The following SEMA3A variants were observed in gnomAD, a reference collection of about 807,000 sequenced individuals.
SEMA3A encodes semaphorin-3A.
A neutral mutation model predicts 97.9 loss-of-function variants in SEMA3A; 29 were observed. The observed-to-expected ratio is 0.30, with a 90% CI of 0.22 to 0.40. The LOEUF (loss-of-function observed/expected upper bound fraction) is 0.40, where lower values mean the gene tolerates loss of function less well. Among genes scored for constraint, SEMA3A ranks in the 10% least tolerant of loss-of-function variants. The probability of loss-of-function intolerance (pLI) is 1.00; values close to 1 mark genes in which losing one functional copy is unlikely to be tolerated. For missense variants in SEMA3A, 763 were observed against 951.3 expected (o/e 0.80, Z 2.60); for synonymous variants, 321 against 323.7 (o/e 0.99, Z 0.09).
upstream of SEMA3A, chr7:84,195,026 G>GAGAGAGAGAGAGAGAGAA (rs1798181931): frequency 3.3e-5 from 1 of 30,550 alleles, no homozygotes; most frequent in Non-Finnish European, 8.8e-5. Context: ...GAGAGAGAAA[G>GAGAGAGAGAGAGAGAGAA]AGAGAGAGAG....
intron 3 of SEMA3A, among the ~76,000 whole-genome samples, chr7:84,114,111 G>A (rs1795353250): frequency 6.6e-6 from 1 of 152,076 alleles, no homozygotes; most frequent in African/African-American, 2.4e-5. Flanking sequence ...CAAAAATAAA[G>A]TCCATCCATC....
intron 3 of SEMA3A, among the ~76,000 whole-genome samples, chr7:84,215,408 G>T (rs1798726721): frequency 8.0e-6 from 1 of 125,512 alleles, no homozygotes; most frequent in East Asian, 2.6e-4. Context: ...GGCTGGTCTT[G>T]AACTCCTGAC....
intron 10 of SEMA3A, among the ~76,000 whole-genome samples, chr7:84,007,086 A>G (rs1790696634): frequency 6.6e-6 from 1 of 152,172 alleles, no homozygotes; most frequent in Admixed American, 6.5e-5. Context: ...AAAAATTTAG[A>G]AATGTGTGGT....
chr7:84,131,433 A>C (rs1795958664), intron 2 of SEMA3A, among the ~76,000 whole-genome samples: 1 of 152,134 alleles, frequency 6.6e-6, no homozygotes, highest in South Asian at 2.1e-4. Flanking sequence ...ATGCCTCTAC[A>C]CTTCCACTCA....
At chr7:84,018,496 A>G (rs2116432476) in intron 6 of SEMA3A, among the ~76,000 whole-genome samples, 1 of 152,338 alleles carries the variant, frequency 6.6e-6, no homozygotes, top group Non-Finnish European at 1.5e-5. Flanking sequence ...ATTAAACTGA[A>G]CAACTGTTAA....
intron 6 of SEMA3A, among the ~76,000 whole-genome samples, chr7:84,040,314 T>C (rs1001354198): frequency 2.0e-5 from 3 of 151,708 alleles, no homozygotes; most frequent in African/African-American, 7.2e-5. Flanking sequence ...GTAAAATCCT[T>C]TAATTCCCCA....
At chr7:84,483,376 A>G (rs906074111) in intron 1 of SEMA3A, among the ~76,000 whole-genome samples, 19 of 152,230 alleles carry the variant, frequency 1.2e-4, no homozygotes, top group Non-Finnish European at 4.4e-5. Context: ...ACCTGATAGT[A>G]ACCCTAATGT....
intron 2 of SEMA3A, among the ~76,000 whole-genome samples, chr7:84,360,647 C>T (rs182049512): frequency 5.9e-5 from 9 of 152,124 alleles, no homozygotes; most frequent in South Asian, 2.1e-4. Context: ...CATGTCAAGA[C>T]GAGTGTAGTA....
chr7:84,336,627 G>A (rs966961349), intron 2 of SEMA3A, among the ~76,000 whole-genome samples: 29 of 152,124 alleles, frequency 1.9e-4, no homozygotes, highest in Admixed American at 1.9e-3. Flanking sequence ...GGAGAAATGT[G>A]CTGAAGGAGG....
intron 3 of SEMA3A, among the ~76,000 whole-genome samples, chr7:84,204,676 C>T (rs1304321161): frequency 6.6e-6 from 1 of 152,176 alleles, no homozygotes; most frequent in Non-Finnish European, 1.5e-5. Context: ...TTAAGTATTA[C>T]ATGATACATT....
chr7:84,325,531 C>T (rs958563430), intron 2 of SEMA3A, among the ~76,000 whole-genome samples: 2 of 151,586 alleles, frequency 1.3e-5, no homozygotes, highest in Non-Finnish European at 2.9e-5. Context: ...GCAAGGAAGG[C>T]CATGTGGCTG....
chr7:84,303,504 T>C (rs1229697271), intron 3 of SEMA3A, among the ~76,000 whole-genome samples: 1 of 151,930 alleles, frequency 6.6e-6, no homozygotes, highest in Non-Finnish European at 1.5e-5. Flanking sequence ...AAGTAACAAT[T>C]AGTAACAGCT....
At chr7:84,419,254 C>A (rs1050132564) in intron 1 of SEMA3A, among the ~76,000 whole-genome samples, 1 of 151,966 alleles carries the variant, frequency 6.6e-6, no homozygotes, top group African/African-American at 2.4e-5. Context: ...TTGTGACAAT[C>A]AATACAAATA....
intron 1 of SEMA3A, among the ~76,000 whole-genome samples, chr7:84,383,328 A>G (rs1010569112): frequency 2.0e-5 from 3 of 152,158 alleles, no homozygotes; most frequent in African/African-American, 7.2e-5. Flanking sequence ...TATCAGATAG[A>G]ATATTAAAAA....
At chr7:84,189,206 A>G (rs1436061268) in intron 1 of SEMA3A, among the ~76,000 whole-genome samples, 23 of 151,930 alleles carry the variant, frequency 1.5e-4, no homozygotes. Context: ...CAATACTGTC[A>G]TGAGTTTTGG....
rs1232764466 is a variant in SEMA3A, at chr7:84,110,580, C to T, written c.343G>A (p.Ala115Thr). The T allele has an allele frequency of 6.2e-7, 1 of 1,613,562 alleles. No individual in the cohort carries two copies. The highest frequency in any genetic ancestry group is 1.7e-4 in the Middle Eastern group (1 of 6,058). The change falls in exon 4 of 17, where the codon GCT becomes ACT. Residue 115 changes from alanine to threonine, a missense_variant. This residue lies in a region of SEMA3A where 678 missense variants were observed against 881.3 expected (regional missense o/e 0.77). Transcript: ENST00000265362. The stretch of plus-strand genomic sequence containing the variant: ...GCCTTAAGTACCTTGATGAAATTAG[C>T]ACATTCTTTCTGTAAGACAAAAGGA... Reference protein sequence around the residue: ...WAGKDILKECANFIKVLKAYN... With the variant: ...WAGKDILKECTNFIKVLKAYN...
intron 12 of SEMA3A, among the ~76,000 whole-genome samples, chr7:83,986,366 G>A (rs6943847): frequency 0.042 from 6,342 of 152,236 alleles, 425 homozygotes; most frequent in African/African-American, 0.14. Context: ...ACATAGAGGA[G>A]TAATAACTAG....
At chr7:84,361,221 G>C (rs964977699) in intron 2 of SEMA3A, among the ~76,000 whole-genome samples, 3 of 152,028 alleles carry the variant, frequency 2.0e-5, no homozygotes, top group African/African-American at 7.2e-5. Context: ...CCAAAGACGA[G>C]AGAGACAAAC....
chr7:84,271,194 T>C (rs1258592167), intron 3 of SEMA3A, among the ~76,000 whole-genome samples: 1 of 152,096 alleles, frequency 6.6e-6, no homozygotes, highest in Non-Finnish European at 1.5e-5. Flanking sequence ...CATTTTAATG[T>C]TCGTATTTTT....
Sources: allele counts gnomAD v4.1 joint callset (sites outside exome capture counted in the v4.1 genomes callset), GRCh38; gene constraint gnomAD v4.1.1; regional missense constraint gnomAD v4.1.1; transcripts MANE v1.5; gene names NCBI Gene and HGNC (gene_info 2026-07-23, HGNC 2026-07-21).